Variants in NTNG2 observed in about 807,000 individuals in gnomAD.
NTNG2 encodes netrin-G2.
NTNG2 carries 15 observed loss-of-function variants against 47.6 expected under a neutral mutation model. The ratio of observed to expected loss-of-function variants is 0.32; its 90% CI spans 0.21 to 0.49. NTNG2 has a LOEUF of 0.49. NTNG2 is among the 20% of genes least tolerant of loss of function. The pLI is 0.99. For synonymous variants in NTNG2, 307 were observed against 324.6 expected, an observed-to-expected ratio of 0.95 and a Z score of 0.58; for missense variants, 578 against 764.6, an observed-to-expected ratio of 0.76 and a Z score of 2.88.
rs186754629 is a variant in NTNG2 at position 132,162,906 on chromosome 9, G to T, written c.-484+667G>T. On this transcript the variant is annotated intron_variant, in intron 1 of 7. Coordinates refer to ENST00000393229, the MANE Select transcript of NTNG2 (RefSeq NM_032536.4). This position sits in a 1 kb window ranked among gnomAD's most constrained non-coding sequence, Gnocchi z 4.6. Reference sequence around the variant, plus strand: ...ACCTGGAACTGAGCGGCGCGCAGGTGGGGGGAGCAGAGGCGGCGGGAAGGC... The same window carrying T: ...ACCTGGAACTGAGCGGCGCGCAGGTTGGGGGAGCAGAGGCGGCGGGAAGGC... 1.7e-3 allele frequency among the ~76,000 whole-genome samples: 265 copies of T among 152,234 alleles called. 1 individual carries two copies. The East Asian group carries it at 0.04, about 23-fold the overall frequency.
At chr9:132,196,336 A>C in intron 2 of NTNG2, among the ~76,000 whole-genome samples, 1 of 152,166 alleles carries the variant, frequency 6.6e-6, no homozygotes, top group East Asian at 1.9e-4. Flanking sequence ...GATTACAGGC[A>C]TGCACCACCA....
intron 2 of NTNG2, 82 bp downstream of exon 2, chr9:132,167,126 G>A (rs1835549064): frequency 1.4e-6 from 2 of 1,457,820 alleles, no homozygotes; most frequent in Admixed American, 1.9e-5. Flanking sequence ...GACGAGCAGA[G>A]CTGGAGGACT....
chr9:132,188,830 G>A (rs1042208814), intron 2 of NTNG2, among the ~76,000 whole-genome samples: 3 of 152,056 alleles, frequency 2.0e-5, no homozygotes, highest in African/African-American at 4.8e-5. Context: ...AAGATTTCCC[G>A]AGTCCCTGAG....
At chr9:132,203,440 G>T (rs1367345756) in intron 3 of NTNG2, among the ~76,000 whole-genome samples, 2 of 152,146 alleles carry the variant, frequency 1.3e-5, no homozygotes, top group African/African-American at 4.8e-5. Flanking sequence ...ATAGGGAAGG[G>T]TGTGGCCTGG....
Position 132,198,164 on chromosome 9 carries a change from G to T in NTNG2, c.412G>T (p.Val138Leu). The change falls in exon 3 of 8, where the codon GTG (valine) becomes TTG (leucine). Residue 138 changes from valine to leucine, a missense_variant. Transcript: ENST00000393229. ...NKTVELTDDV[V>L]MTFEYGRPTV... The stretch of plus-strand genomic sequence containing the variant: ...GACCGTGGAGCTGACCGACGACGTG[G>T]TGATGACCTTCGAGTACGGCCGGCC... The T allele has an allele frequency of 1.2e-6, 2 of 1,613,714 alleles. No individual in the cohort carries two copies. The highest frequency in any genetic ancestry group is 1.7e-6 in the Non-Finnish European group (2 of 1,180,030).
intron 2 of NTNG2, among the ~76,000 whole-genome samples, chr9:132,189,210 G>A (rs1837669900): frequency 1.3e-5 from 2 of 151,016 alleles, no homozygotes; most frequent in East Asian, 3.9e-4. Context: ...CCAAGTAGCT[G>A]GGACCACTGG....
rs546077152 is a variant in NTNG2 at position 132,173,793 on chromosome 9, C to T, written c.213+6749C>T. On this transcript the variant is annotated intron_variant, in intron 2 of 7. Transcript: ENST00000393229. ...GAGGCAGGCAGGTCGAACCATACTGCGGATGAGACGGACGGACGGACAGAC... is the reference window on the plus strand; with the variant it reads ...GAGGCAGGCAGGTCGAACCATACTGTGGATGAGACGGACGGACGGACAGAC... Among the ~76,000 whole-genome samples the T allele has an allele frequency of 5.8e-5, 8 of 136,802 alleles. No homozygotes were observed. In the South Asian group the frequency reaches 7.0e-4, roughly 12 times the overall value. 89.7% of individuals were successfully genotyped at this position (136,802 alleles called of 152,430 possible). A position where few individuals can be genotyped will look rare whatever the true frequency, so the allele number is the denominator to read the frequency against.
intron 2 of NTNG2, among the ~76,000 whole-genome samples, chr9:132,191,876 C>T (rs565420298): frequency 4.7e-4 from 72 of 152,176 alleles, no homozygotes; most frequent in Non-Finnish European, 6.2e-4. Context: ...CGGCCATTAC[C>T]GCATCTTTCT....
chr9:132,191,577 T>TC (rs1240112024), intron 2 of NTNG2, among the ~76,000 whole-genome samples: 1 of 151,986 alleles, frequency 6.6e-6, no homozygotes, highest in African/African-American at 2.4e-5. Flanking sequence ...TTTTTTTTTT[T>TC]CTTTTAGACA....
rs779991451 is a variant in NTNG2, at chr9:132,204,611, C to G, written c.857+6002C>G. On this transcript the variant is annotated intron_variant, in intron 3 of 7. Transcript: ENST00000393229. ...CTGCCTGCACTGACTCCTTGAAACTCTGGGAAGGCAGAGACAACTCCCTCA... is the reference window on the plus strand; with the variant it reads ...CTGCCTGCACTGACTCCTTGAAACTGTGGGAAGGCAGAGACAACTCCCTCA... 3.4e-4 allele frequency among the ~76,000 whole-genome samples: 51 copies of G among 152,170 alleles called. 1 individual carries two copies. Among genetic ancestry groups the G allele is most frequent in the Non-Finnish European group, 6.3e-4 (43 of 68,034 alleles).
At chr9:132,190,441 C>G (rs62577496) in intron 2 of NTNG2, among the ~76,000 whole-genome samples, 13,361 of 151,950 alleles carry the variant, frequency 0.088, 661 homozygotes, top group Middle Eastern at 0.16. Flanking sequence ...TTCATCCCAG[C>G]GCAGGCTTGG....
chr9:132,198,566 T>C lies in NTNG2; in HGVS notation c.814T>C (p.Tyr272His). ...CACCTATGTGCAGCGGGAGAACCTC[T>C]ACAAGTACTTCTACGCCATCTCCAA... is the stretch of plus-strand genomic sequence containing the variant. ...GGTYVQRENL[Y>H]KYFYAISNIE... Residue 272 changes from tyrosine to histidine, a missense_variant, in exon 3 of 8, where the codon TAC (tyrosine) becomes CAC (histidine). By Grantham distance (83) the Tyr-to-His change is moderately conservative. Transcript: ENST00000393229. 6.2e-7 allele frequency: 1 copy of C among 1,612,870 alleles called. No individual in the cohort carries two copies. The highest frequency in any genetic ancestry group is 2.2e-5 in the East Asian group (1 of 44,874).
At chr9:132,173,489 A>G (rs1472963151) in intron 2 of NTNG2, among the ~76,000 whole-genome samples, 1 of 152,194 alleles carries the variant, frequency 6.6e-6, no homozygotes, top group Non-Finnish European at 1.5e-5. Context: ...AGAGACCCCC[A>G]GACCTTTCCG....
chr9:132,240,444 C>T (rs984963868), intron 6 of NTNG2, among the ~76,000 whole-genome samples: 1 of 152,274 alleles, frequency 6.6e-6, no homozygotes, highest in Non-Finnish European at 1.5e-5. Context: ...AGGCAACCAA[C>T]TGGGCCCACC....
chr9:132,225,340 G>A (rs971871102), intron 3 of NTNG2, among the ~76,000 whole-genome samples: 6 of 152,052 alleles, frequency 3.9e-5, no homozygotes, highest in Admixed American at 2.0e-4. Context: ...GTGCAAACAT[G>A]GCTTGCTACA....
At chr9:132,241,451 C>A (rs1003182627) in intron 7 of NTNG2, 1 of 322,054 alleles carries the variant, frequency 3.1e-6, no homozygotes, top group Non-Finnish European at 5.8e-6. Context: ...ACCTGAGGCA[C>A]GGTGGTGCCT....
rs1836816747 is a variant in NTNG2, at chr9:132,180,075, C to T, written c.213+13031C>T. Among the ~76,000 whole-genome samples, 1 of 152,200 alleles carries T rather than the reference C, an allele frequency of 6.6e-6. No homozygotes were observed. The highest frequency in any genetic ancestry group is 6.5e-5 in the Admixed American group (1 of 15,288). ...GACCTGGCATCCTTCTGTCCCAGGG[C>T]AGTTTGTCTTGGGTCTCTCAGGGAC... is the stretch of plus-strand genomic sequence containing the variant. On this transcript the variant is annotated intron_variant, in intron 2 of 7. Transcript: ENST00000393229. This position sits in a 1 kb window ranked among gnomAD's most constrained non-coding sequence, Gnocchi z 4.2.
rs1025160714 is a variant in NTNG2, at chr9:132,218,975, C to T, written c.858-7874C>T. Among the ~76,000 whole-genome samples the T allele has an allele frequency of 2.0e-5, 3 of 152,190 alleles. No homozygotes were observed. The highest frequency in any genetic ancestry group is 3.8e-4 in the East Asian group (2 of 5,198). On this transcript the variant is annotated intron_variant, in intron 3 of 7. Coordinates refer to ENST00000393229, the MANE Select transcript of NTNG2 (RefSeq NM_032536.4). The surrounding 1 kb of genome is among the most constrained non-coding windows in gnomAD (Gnocchi z 5.4). Reference sequence around the variant, plus strand: ...CGTTGTACAATCCACACATGTAAAGCGTACAATTCAGTCGCTTTTAGGTTA... The same window carrying T: ...CGTTGTACAATCCACACATGTAAAGTGTACAATTCAGTCGCTTTTAGGTTA...
intron 3 of NTNG2, among the ~76,000 whole-genome samples, chr9:132,213,559 G>C (rs1027428122): frequency 6.6e-6 from 1 of 152,082 alleles, no homozygotes; most frequent in African/African-American, 2.4e-5. Context: ...CAGAAAGCGA[G>C]GGCCCTTGTT....
Sources: allele counts gnomAD v4.1 joint callset (sites outside exome capture counted in the v4.1 genomes callset), GRCh38; gene constraint gnomAD v4.1.1; non-coding constraint Gnocchi (gnomAD v3.1); transcripts MANE v1.5; gene names NCBI Gene and HGNC (gene_info 2026-07-23, HGNC 2026-07-21).